The following DNAJB6 variants were observed in gnomAD, a reference collection of about 807,000 sequenced individuals.
The protein encoded by DNAJB6 is DnaJ heat shock protein family (Hsp40) member B6.
Under a neutral mutation model 42.7 loss-of-function variants are expected in DNAJB6, and 16 were observed. The observed-to-expected ratio is 0.37, with a 90% CI of 0.25 to 0.57. The LOEUF is 0.57. Among genes scored for constraint, DNAJB6 ranks in the 20% least tolerant of loss-of-function variants. The probability of loss-of-function intolerance (pLI) is 0.74; values close to 1 mark genes in which losing one functional copy is unlikely to be tolerated. For synonymous variants in DNAJB6, 170 were observed against 163.5 expected, an observed-to-expected ratio of 1.04 and a Z score of -0.30; for missense variants, 347 against 416.8, an observed-to-expected ratio of 0.83 and a Z score of 1.46.
At chr7:157,339,281 CTTTTTTTTTT>C (rs34284253) in intron 1 of DNAJB6, among the ~76,000 whole-genome samples, 2,213 of 68,240 alleles carry the variant, frequency 0.032, 60 homozygotes, top group African/African-American at 0.12. Flanking sequence ...CTGTTTGCAC[CTTTTTTTTTT>C]TTTTTTTTTT....
intron 5 of DNAJB6, 54 bp downstream of exon 5, chr7:157,367,537 T>A: frequency 1.9e-6 from 2 of 1,041,420 alleles, no homozygotes; most frequent in Non-Finnish European, 3.0e-6. Flanking sequence ...AAATGAGGGC[T>A]TACTTAGTAT....
At chr7:157,360,896 A>G (rs918618477) in intron 2 of DNAJB6, among the ~76,000 whole-genome samples, 3 of 152,198 alleles carry the variant, frequency 2.0e-5, no homozygotes, top group African/African-American at 2.4e-5. Context: ...CTGAAGGTCA[A>G]CATTCAAAGT....
At chr7:157,338,993 C>T (rs57924821) in intron 1 of DNAJB6, among the ~76,000 whole-genome samples, 6 of 152,146 alleles carry the variant, frequency 3.9e-5, no homozygotes, top group African/African-American at 1.2e-4. Flanking sequence ...AATTTATTTT[C>T]TTCTGGATAT....
intron 1 of DNAJB6, among the ~76,000 whole-genome samples, chr7:157,351,332 T>TA (rs1257434338): frequency 6.6e-6 from 1 of 152,058 alleles, no homozygotes; most frequent in Non-Finnish European, 1.5e-5. Context: ...AAAACTCTAT[T>TA]AAAAAACTGT....
At chr7:157,386,646 G>A (rs1205548518) in intron 8 of DNAJB6, among the ~76,000 whole-genome samples, 1 of 152,206 alleles carries the variant, frequency 6.6e-6, no homozygotes, top group Non-Finnish European at 1.5e-5. Flanking sequence ...ACTTTGGGAG[G>A]CTGAGGCGGG....
At chr7:157,397,698 G>T (rs968374906) in intron 8 of DNAJB6, among the ~76,000 whole-genome samples, 1 of 152,204 alleles carries the variant, frequency 6.6e-6, no homozygotes, top group Admixed American at 6.5e-5. Context: ...CGACCTTCAC[G>T]TCTTCATTCC....
intron 6 of DNAJB6, 155 bp downstream of exon 6, chr7:157,382,532 C>T (rs1489085801): frequency 1.2e-5 from 6 of 520,458 alleles, no homozygotes; most frequent in East Asian, 4.2e-5. Context: ...TACAGGTCTG[C>T]GCTTAACCTA....
Position 157,384,874 on chromosome 7 carries a change from T to C in DNAJB6, c.486T>C (p.Thr162=). The C allele has an allele frequency of 1.2e-6, 2 of 1,611,832 alleles. No individual in the cohort carries two copies. Among genetic ancestry groups the C allele is most frequent in the Non-Finnish European group, 1.7e-6 (2 of 1,179,452 alleles). ...TTTTCTGTTTTCCTGTAGGATTTAC[T>C]TCATTTGGGTCACTAGGTCACGGGG... ...SGFSSFDTGF[T]SFGSLGHGGL... Residue 162 remains threonine, a synonymous_variant, in exon 7 of 10, where the codon ACT becomes ACC. Transcript: ENST00000262177.
At chr7:157,407,922 G>A (rs1460848548) in intron 8 of DNAJB6, among the ~76,000 whole-genome samples, 1 of 152,174 alleles carries the variant, frequency 6.6e-6, no homozygotes, top group African/African-American at 2.4e-5. Context: ...GCCCTGGCAT[G>A]TTTCCTCCTG....
At chr7:157,396,597 G>C (rs992173601) in intron 8 of DNAJB6, among the ~76,000 whole-genome samples, 4 of 152,144 alleles carry the variant, frequency 2.6e-5, no homozygotes, top group Non-Finnish European at 4.4e-5. Flanking sequence ...GTGCGCCCTG[G>C]GCCCCCTCCT....
At chr7:157,408,683 C>T (rs1304619240) in intron 8 of DNAJB6, among the ~76,000 whole-genome samples, 1 of 152,222 alleles carries the variant, frequency 6.6e-6, no homozygotes, top group Non-Finnish European at 1.5e-5. Context: ...AGGCCCTGGG[C>T]CTGGCACTCA....
chr7:157,363,764 T>C (rs912023594), intron 3 of DNAJB6, among the ~76,000 whole-genome samples: 2 of 152,146 alleles, frequency 1.3e-5, no homozygotes, highest in Non-Finnish European at 2.9e-5. Flanking sequence ...TGTTTTCCCC[T>C]CCTAGGTCTG....
chr7:157,408,908 G>C (rs577520749), intron 8 of DNAJB6, among the ~76,000 whole-genome samples: 1 of 152,200 alleles, frequency 6.6e-6, no homozygotes, highest in Non-Finnish European at 1.5e-5. Flanking sequence ...CTCGGGGCCC[G>C]AAGTGCTGGG....
intron 1 of DNAJB6, among the ~76,000 whole-genome samples, chr7:157,356,797 T>C (rs1023809774): frequency 6.6e-6 from 1 of 152,236 alleles, no homozygotes; most frequent in Admixed American, 6.5e-5. Flanking sequence ...AAAGAACATT[T>C]TGATACTCTA....
intron 8 of DNAJB6, among the ~76,000 whole-genome samples, chr7:157,387,979 G>A (rs1035198406): frequency 6.6e-6 from 1 of 151,974 alleles, no homozygotes; most frequent in Non-Finnish European, 1.5e-5. Context: ...CTGAGTAGCT[G>A]GGATTACAGG....
At chr7:157,359,932 C>T (rs1799493445) in intron 2 of DNAJB6, among the ~76,000 whole-genome samples, 1 of 152,222 alleles carries the variant, frequency 6.6e-6, no homozygotes, top group Non-Finnish European at 1.5e-5. Context: ...CTGATGCTGT[C>T]ACTAGTAGAG....
chr7:157,417,322 T>C lies in DNAJB6; in HGVS notation c.*1224T>C. ...GTTGCCAAAGAGTTGGCTTTGTTTA[T>C]TTGGTTTTGGCGGGGAGAGGAGTGG... is the stretch of plus-strand genomic sequence containing the variant. On this transcript the variant is annotated 3_prime_UTR_variant, in exon 10 of 10. Transcript: ENST00000262177. The C allele has an allele frequency of 6.6e-6, 1 of 152,228 alleles. No individual in the cohort carries two copies. Among genetic ancestry groups the C allele is most frequent in the East Asian group, 1.9e-4 (1 of 5,200 alleles). The allele number at this position is 152,228 out of a possible 1,614,324, so 9.4% of individuals were successfully genotyped here. A position where few individuals can be genotyped will look rare whatever the true frequency, so the allele number is the denominator to read the frequency against.
intron 5 of DNAJB6, among the ~76,000 whole-genome samples, chr7:157,376,915 T>G (rs1172396315): frequency 6.6e-6 from 1 of 152,132 alleles, no homozygotes; most frequent in Non-Finnish European, 1.5e-5. Flanking sequence ...TACATTGTTT[T>G]GGCCCAGAAA....
chr7:157,340,993 TGTGTG>T (rs1454039721), intron 1 of DNAJB6, among the ~76,000 whole-genome samples: 34 of 83,800 alleles, frequency 4.1e-4, no homozygotes, highest in African/African-American at 1.3e-3. Flanking sequence ...TGTGTGTGTG[TGTGTG>T]CGCGCGCGCA....
Sources: gnomAD v4.1 joint callset for allele counts (sites outside exome capture counted in the v4.1 genomes callset) on GRCh38, gnomAD v4.1.1 for gene constraint, MANE v1.5 for transcripts, NCBI Gene and HGNC (gene_info 2026-07-23, HGNC 2026-07-21) for gene names.